MAP2K7: variants seen among roughly 807,000 people sequenced by gnomAD.
The protein encoded by MAP2K7 is dual specificity mitogen-activated protein kinase kinase 7.
MAP2K7 carries 12 observed loss-of-function variants against 47.7 expected under a neutral mutation model. That is an observed-to-expected ratio of 0.25 (90% CI 0.16 to 0.41). MAP2K7 has a LOEUF of 0.41. Among genes scored for constraint, MAP2K7 ranks in the 10% least tolerant of loss-of-function variants. MAP2K7 has a pLI of 1.00. For missense variants in MAP2K7, 415 were observed against 600.3 expected (o/e 0.69, Z 3.23); for synonymous variants, 299 against 243.0 (o/e 1.23, Z -2.14).
In MAP2K7 at chr19:7,914,100, G is replaced by C. The variant is rs1983133940; in HGVS notation, c.*1669G>C. 1 of 152,252 alleles carries C rather than the reference G, an allele frequency of 6.6e-6. No homozygotes were observed. The highest frequency in any genetic ancestry group is 1.5e-5 in the Non-Finnish European group (1 of 68,060). The allele number at this position is 152,252 out of a possible 1,614,324, so 9.4% of individuals were successfully genotyped here. The stretch of plus-strand genomic sequence containing the variant: ...GCCATGGGGGCCTCTGCGATTGCCG[G>C]AAGGTTGCATGGCTGGTCCCAGGGC... On this transcript the variant is annotated 3_prime_UTR_variant, in exon 11 of 11. Transcript: ENST00000397979.
At chr19:7,907,244 C>T (rs1175440083) in intron 1 of MAP2K7, among the ~76,000 whole-genome samples, 1 of 152,070 alleles carries the variant, frequency 6.6e-6, no homozygotes, top group Admixed American at 6.5e-5. Context: ...GTGGGGCATG[C>T]AGGCTGTGCC....
Position 7,912,162 on chromosome 19 carries a change from C to T in MAP2K7, c.1093C>T (p.His365Tyr). ...CTCTTGCTCTAGCCTTACTAAAGAT[C>T]ACAGGAAGAGACCAAAGTATAATAA... ...SFVKDCLTKD[H>Y]RKRPKYNKLL... The change falls in exon 10 of 11, where the codon CAC becomes TAC. Residue 365 changes from histidine (H) to tyrosine (Y), a missense_variant. Physicochemically the swap from His to Tyr is moderately conservative, Grantham distance 83. Coordinates refer to ENST00000397979, the MANE Select transcript of MAP2K7 (RefSeq NM_145185.4). 6.2e-7 allele frequency: 1 copy of T among 1,614,014 alleles called. No homozygotes were observed.
chr19:7,908,496 C>T (rs1188561680), intron 1 of MAP2K7, among the ~76,000 whole-genome samples: 1 of 152,108 alleles, frequency 6.6e-6, no homozygotes. Context: ...CAGCATGGAG[C>T]GGGTTTGTCT....
chr19:7,910,664 C>T, intron 5 of MAP2K7, 32 bp from the exon 6 acceptor site: 2 of 1,606,816 alleles, frequency 1.2e-6, no homozygotes, highest in Non-Finnish European at 1.7e-6. Flanking sequence ...GGCCGGAAGA[C>T]ACAGCTCCCC....
chr19:7,911,421 C>T lies in MAP2K7; in HGVS notation c.937-15C>T, dbSNP rs752175019. On this transcript the variant is annotated splice_polypyrimidine_tract_variant and intron_variant, in intron 8 of 10. Transcript: ENST00000397979. ...AGAACATAAACCTGTCCAGCCCTGC[C>T]CGTCTCCCTCCCAGGTGGAGCTGGC... 2 of 1,613,302 alleles carry T rather than the reference C, an allele frequency of 1.2e-6. No individual in the cohort carries two copies. The highest frequency in any genetic ancestry group is 1.1e-5 in the South Asian group (1 of 91,088).
rs373766038 is a variant in MAP2K7 at position 7,912,817 on chromosome 19, C to T, written c.*386C>T. 7.0e-5 allele frequency: 17 copies of T among 243,640 alleles called. No individual in the cohort carries two copies. The highest frequency in any genetic ancestry group is 5.3e-4 in the East Asian group (5 of 9,470). 15.1% of individuals were successfully genotyped at this position (243,640 alleles called of 1,614,324 possible). A position where few individuals can be genotyped will look rare whatever the true frequency, so the allele number is the denominator to read the frequency against. ...GTGTCCTTCGCCACTCCCACGCGCC[C>T]GTTCCTCTTCCGTCGCCCTCTGTCC... On this transcript the variant is annotated 3_prime_UTR_variant, in exon 11 of 11. Transcript: ENST00000397979.
Position 7,903,980 on chromosome 19 carries a change from C to T in MAP2K7, c.36C>T (p.Arg12=), listed in dbSNP as rs371236199. Residue 12 remains arginine, a synonymous_variant, in exon 1 of 11, where the codon CGC becomes CGT. Coordinates refer to ENST00000397979, the MANE Select transcript of MAP2K7 (RefSeq NM_145185.4). ...CCTCCCTGGAACAGAAGCTGTCCCG[C>T]CTGGAAGCAAAGCTGAAGCAGGAGA... ...AASSLEQKLS[R]LEAKLKQENR... is the part of the protein sequence containing the mutation. 3.6e-5 allele frequency: 56 copies of T among 1,552,582 alleles called. No individual in the cohort carries two copies. Among genetic ancestry groups the T allele is most frequent in the Non-Finnish European group, 4.6e-5 (53 of 1,150,426 alleles).
intron 6 of MAP2K7, 52 bp from the exon 7 acceptor site, chr19:7,910,928 G>A: frequency 6.3e-7 from 1 of 1,593,598 alleles, no homozygotes; most frequent in Non-Finnish European, 8.6e-7. Flanking sequence ...CCGGGCAGGT[G>A]GCCTTGGGTC....
At position 7,912,569 on chromosome 19, in the gene MAP2K7, G is replaced by A. The variant is rs1453930742; in HGVS notation, c.*138G>A. 8.6e-6 allele frequency: 9 copies of A among 1,045,290 alleles called. No homozygotes were observed. The highest frequency in any genetic ancestry group is 5.3e-5 in the East Asian group (2 of 37,802). 64.8% of individuals were successfully genotyped at this position (1,045,290 alleles called of 1,614,324 possible). A position where few individuals can be genotyped will look rare whatever the true frequency, so the allele number is the denominator to read the frequency against. Reference sequence around the variant, plus strand: ...TAGGACTGAGGACAGAGAGTGGGGGGTGCCCACCCACCCCCCCCGCCCCGG... The same window carrying A: ...TAGGACTGAGGACAGAGAGTGGGGGATGCCCACCCACCCCCCCCGCCCCGG... On this transcript the variant is annotated 3_prime_UTR_variant, in exon 11 of 11. Coordinates refer to ENST00000397979, the MANE Select transcript of MAP2K7 (RefSeq NM_145185.4).
chr19:7,907,309 G>GT (rs764356263), intron 1 of MAP2K7, among the ~76,000 whole-genome samples: 1 of 152,174 alleles, frequency 6.6e-6, no homozygotes, highest in Non-Finnish European at 1.5e-5. Context: ...GTGAGTGGTT[G>GT]TGAGTATGTG....
chr19:7,909,202 G>C (rs1982654681), intron 1 of MAP2K7, among the ~76,000 whole-genome samples: 1 of 152,222 alleles, frequency 6.6e-6, no homozygotes, highest in South Asian at 2.1e-4. Flanking sequence ...GGCCCTCCCT[G>C]ACCCCGGAAC....
At chr19:7,908,604 T>C (rs925100435) in intron 1 of MAP2K7, among the ~76,000 whole-genome samples, 2 of 151,968 alleles carry the variant, frequency 1.3e-5, no homozygotes, top group African/African-American at 4.8e-5. Flanking sequence ...GAGGGGCTTG[T>C]TGGCTGAGGG....
chr19:7,907,469 C>T (rs1982539290), intron 1 of MAP2K7, among the ~76,000 whole-genome samples: 2 of 152,224 alleles, frequency 1.3e-5, no homozygotes, highest in Non-Finnish European at 2.9e-5. Flanking sequence ...TGTCGGCAGA[C>T]ACGTGCCCTC....
chr19:7,912,035 C>T, intron 9 of MAP2K7, 114 bp from the exon 10 acceptor site: 1 of 915,350 alleles, frequency 1.1e-6, no homozygotes, highest in Non-Finnish European at 1.8e-6. Context: ...CAGCTCCTTC[C>T]CCCACACACA....
chr19:7,905,758 C>A, intron 1 of MAP2K7: 6 of 1,408,666 alleles, frequency 4.3e-6, no homozygotes, highest in East Asian at 2.3e-5. Flanking sequence ...TCAGTCGTTT[C>A]TGTTGTGATT....
chr19:7,910,081 G>A lies in MAP2K7; in HGVS notation c.285G>A (p.Lys95=). The change falls in exon 3 of 11, where the codon AAG becomes AAA. Residue 95 remains lysine, a synonymous_variant. Transcript: ENST00000397979. ...TCCCCAGCATTGAGATTGACCAGAA[G>A]CTGCAGGAGATCATGAAGCAGACGG... ...RSMESIEIDQ[K]LQEIMKQTGY... 3 of 1,606,330 alleles carry A rather than the reference G, an allele frequency of 1.9e-6. No individual in the cohort carries two copies. Among genetic ancestry groups the A allele is most frequent in the Non-Finnish European group, 2.5e-6 (3 of 1,177,274 alleles).
In MAP2K7 at chr19:7,910,730, C is replaced by G; in HGVS notation, c.602C>G (p.Thr201Ser). Residue 201 changes from threonine to serine, a missense_variant, in exon 6 of 11, where the codon ACC becomes AGC. Around this residue, in one of 3 missense-constraint regions of MAP2K7, gnomAD observed 206 missense variants for 368.8 expected, o/e 0.56. Coordinates refer to ENST00000397979, the MANE Select transcript of MAP2K7 (RefSeq NM_145185.4). ...TTCATCGCCATGGAGCTCATGGGCA[C>G]CTGCGCTGAGAAGCTCAAGAAGCGG... is the stretch of plus-strand genomic sequence containing the variant. ...DVFIAMELMGTCAEKLKKRMQ... is the reference protein window; with the variant it reads ...DVFIAMELMGSCAEKLKKRMQ... The G allele has an allele frequency of 2.5e-6, 4 of 1,611,776 alleles. No homozygotes were observed. The highest frequency in any genetic ancestry group is 1.1e-5 in the South Asian group (1 of 90,900).
rs771955180 is a variant in MAP2K7 at position 7,910,780 on chromosome 19, A to T, written c.652A>T (p.Ile218Phe). ...GATGCAGGGCCCCATCCCCGAGCGC[A>T]TTCTGGGCAAGATGACAGTGGCGGT... ...KRMQGPIPER[I>F]LGKMTVAIVK... Residue 218 changes from isoleucine to phenylalanine, a missense_variant, in exon 6 of 11, where the codon ATT (isoleucine) becomes TTT (phenylalanine). Coordinates refer to ENST00000397979, the MANE Select transcript of MAP2K7 (RefSeq NM_145185.4). The T allele has an allele frequency of 4.4e-6, 7 of 1,608,576 alleles. No individual in the cohort carries two copies.
chr19:7,911,767 C>T (rs1056369945), intron 9 of MAP2K7, among the ~76,000 whole-genome samples, 189 bp downstream of exon 9: 2 of 152,196 alleles, frequency 1.3e-5, no homozygotes, highest in African/African-American at 4.8e-5. Flanking sequence ...GGGTTTGGAC[C>T]TAGCCTGAGG....
Sources: allele counts gnomAD v4.1 joint callset (sites outside exome capture counted in the v4.1 genomes callset), GRCh38; gene constraint gnomAD v4.1.1; regional missense constraint gnomAD v4.1.1; transcripts MANE v1.5; gene names NCBI Gene and HGNC (gene_info 2026-07-23, HGNC 2026-07-21).